Variants in ANKRD44 observed in about 807,000 individuals in gnomAD.
ANKRD44 encodes serine/threonine-protein phosphatase 6 regulatory ankyrin repeat subunit B.
ANKRD44 carries 35 observed loss-of-function variants against 116.0 expected under a neutral mutation model. The observed-to-expected ratio is 0.30, with a 90% CI of 0.23 to 0.40. ANKRD44 has a LOEUF of 0.40. Among genes scored for constraint, ANKRD44 ranks in the 10% least tolerant of loss-of-function variants. The pLI is 1.00. For missense variants in ANKRD44, 1,014 were observed against 1,242.6 expected (o/e 0.82, Z 2.77); for synonymous variants, 435 against 461.8 (o/e 0.94, Z 0.74).
intron 16 of ANKRD44, among the ~76,000 whole-genome samples, chr2:197,041,566 C>T (rs1267181004): frequency 6.6e-6 from 1 of 152,164 alleles, no homozygotes; most frequent in Non-Finnish European, 1.5e-5. Context: ...CTCTTCTCTC[C>T]CCATTCTAAG....
At chr2:197,270,170 C>G (rs2082857206) in intron 1 of ANKRD44, among the ~76,000 whole-genome samples, 3 of 151,956 alleles carry the variant, frequency 2.0e-5, no homozygotes, top group Non-Finnish European at 4.4e-5. Context: ...CCTAGGGGAA[C>G]AGATGTGTGG....
intron 16 of ANKRD44, chr2:197,077,691 G>A (rs553738361): frequency 3.9e-5 from 6 of 152,248 alleles, no homozygotes; most frequent in Admixed American, 3.3e-4. Context: ...TGTTACAAAC[G>A]GCTGACTGAG....
chr2:197,065,609 A>G (rs1401338504), intron 16 of ANKRD44, among the ~76,000 whole-genome samples: 2 of 152,230 alleles, frequency 1.3e-5, no homozygotes, highest in Non-Finnish European at 2.9e-5. Context: ...AAAAAATGAT[A>G]AAGGGGATAT....
chr2:197,304,820 C>T (rs2084020745), intron 1 of ANKRD44, among the ~76,000 whole-genome samples: 1 of 152,178 alleles, frequency 6.6e-6, no homozygotes, highest in South Asian at 2.1e-4. Flanking sequence ...AGTCCTGGAC[C>T]GATCAGAACT....
At chr2:197,185,946 A>G (rs1395818171) in intron 2 of ANKRD44, among the ~76,000 whole-genome samples, 1 of 152,174 alleles carries the variant, frequency 6.6e-6, no homozygotes, top group African/African-American at 2.4e-5. Context: ...CTGTTTCACA[A>G]CTACCCAATT....
At chr2:197,183,028 G>A (rs2080551898) in intron 2 of ANKRD44, among the ~76,000 whole-genome samples, 1 of 152,176 alleles carries the variant, frequency 6.6e-6, no homozygotes, top group South Asian at 2.1e-4. Flanking sequence ...GGAATTGGAA[G>A]GGTGGAGAAG....
At chr2:197,263,530 A>G in intron 1 of ANKRD44, 1 of 347,300 alleles carries the variant, frequency 2.9e-6, no homozygotes, top group Non-Finnish European at 5.5e-6. Flanking sequence ...CCTCTTCCCC[A>G]TGTGAAGCAG....
intron 1 of ANKRD44, among the ~76,000 whole-genome samples, chr2:197,204,598 T>C (rs2081165588): frequency 1.3e-5 from 2 of 152,170 alleles, no homozygotes; most frequent in Non-Finnish European, 1.5e-5. Context: ...TCCAGATCTT[T>C]TGAGTTTTCA....
At chr2:197,171,451 C>CT (rs2125542055) in intron 2 of ANKRD44, among the ~76,000 whole-genome samples, 1 of 152,194 alleles carries the variant, frequency 6.6e-6, no homozygotes, top group East Asian at 1.9e-4. Context: ...ACTGGAACTA[C>CT]TTTTACATTT....
chr2:197,122,727 C>A lies in ANKRD44; in HGVS notation c.616G>T (p.Gly206Cys), dbSNP rs975913392. The part of the protein sequence containing the change: ...GAEVTCKDKK[G>C]YTPLHAAASN... ...GCTGCAGCATGCAGAGGGGTATAAC[C>A]CTTCTTATCCTTACAGGTCACTTCT... is the stretch of plus-strand genomic sequence containing the variant. Residue 206 changes from glycine (G) to cysteine (C), a missense_variant, in exon 7 of 28, where the codon GGT becomes TGT. Transcript: ENST00000282272. 1.9e-6 allele frequency: 3 copies of A among 1,614,194 alleles called. No individual in the cohort carries two copies. The highest frequency in any genetic ancestry group is 3.3e-5 in the Admixed American group (2 of 60,020).
At chr2:197,159,587 T>C (rs1218504656) in intron 2 of ANKRD44, among the ~76,000 whole-genome samples, 2 of 152,246 alleles carry the variant, frequency 1.3e-5, no homozygotes, top group Non-Finnish European at 2.9e-5. Flanking sequence ...CTTCAATACC[T>C]TGTAGTAGGT....
rs199838575 is a variant in ANKRD44, at chr2:197,222,948, G to A, written c.28-35842C>T. Among the ~76,000 whole-genome samples the A allele has an allele frequency of 4.1e-3, 627 of 152,044 alleles. 16 individuals are homozygous for A. The South Asian group carries it at 0.063, about 15-fold the overall frequency. The stretch of plus-strand genomic sequence containing the variant: ...CTGCCTCAGCCTCCCAAGTAGCTGG[G>A]ATTATAGGTGTGTGCCACCATGCCT... On this transcript the variant is annotated intron_variant, in intron 1 of 27. Transcript: ENST00000282272.
At position 196,967,125 on chromosome 2, in the gene ANKRD44, T is replaced by C. The variant is rs920461012; in HGVS notation, c.*314A>G. ...ATCATTTGTGTTCGTATAACACTTA[T>C]CCTGAAAGAATTTCAAAGTGCTCTA... On this transcript the variant is annotated 3_prime_UTR_variant, in exon 22 of 22. Transcript: ENST00000424317. 6 of 177,376 alleles carry C rather than the reference T, an allele frequency of 3.4e-5. No homozygotes were observed. The East Asian group carries it at 5.0e-4, about 15-fold the overall frequency. The allele number at this position is 177,376 out of a possible 1,614,324, so 11.0% of individuals were successfully genotyped here. A position where few individuals can be genotyped will look rare whatever the true frequency, so the allele number is the denominator to read the frequency against.
intron 25 of ANKRD44, 107 bp from the exon 26 acceptor site, chr2:196,995,568 G>A: frequency 2.4e-6 from 2 of 827,656 alleles, no homozygotes; most frequent in Non-Finnish European, 3.8e-6. Flanking sequence ...GTCTGCCTAA[G>A]AACATTCTAT....
At chr2:197,225,453 C>G (rs2081684923) in intron 1 of ANKRD44, among the ~76,000 whole-genome samples, 1 of 152,120 alleles carries the variant, frequency 6.6e-6, no homozygotes, top group Non-Finnish European at 1.5e-5. Flanking sequence ...AAGGGATTCT[C>G]CTGCCTCAGC....
rs1479104246 is a variant in ANKRD44 at position 196,988,125 on chromosome 2, C to T, written c.*1466G>A. 1.0e-6 allele frequency: 1 copy of T among 985,296 alleles called. No individual in the cohort carries two copies. Among genetic ancestry groups the T allele is most frequent in the Non-Finnish European group, 1.2e-6 (1 of 829,922 alleles). The allele number at this position is 985,296 out of a possible 1,614,324, so 61.0% of individuals were successfully genotyped here. On this transcript the variant is annotated 3_prime_UTR_variant, in exon 28 of 28. Transcript: ENST00000282272. ...GGAGATAACGTCTCATGGTGAGTCA[C>T]TGCTTTGCTGAAATGATTCTTGTAC...
chr2:197,244,972 A>T (rs1250867298), intron 1 of ANKRD44, among the ~76,000 whole-genome samples: 1 of 152,196 alleles, frequency 6.6e-6, no homozygotes, highest in African/African-American at 2.4e-5. Context: ...AAAAAATAAA[A>T]AATAATAATA....
intron 2 of ANKRD44, among the ~76,000 whole-genome samples, chr2:197,160,903 A>C (rs2079944396): frequency 6.6e-6 from 1 of 152,182 alleles, no homozygotes; most frequent in Non-Finnish European, 1.5e-5. Context: ...TGTCAGGAAA[A>C]TTCTGCAGGC....
At chr2:197,122,444 T>C (rs1198002039) in intron 7 of ANKRD44, among the ~76,000 whole-genome samples, 1 of 152,246 alleles carries the variant, frequency 6.6e-6, no homozygotes, top group African/African-American at 2.4e-5. Flanking sequence ...TATGTTGATA[T>C]AGAAAGTTAT....
Sources: allele counts gnomAD v4.1 joint callset (sites outside exome capture counted in the v4.1 genomes callset), GRCh38; gene constraint gnomAD v4.1.1; transcripts MANE v1.5; gene names NCBI Gene and HGNC (gene_info 2026-07-23, HGNC 2026-07-21).